R3HDM1: variants seen among roughly 807,000 people sequenced by gnomAD.
The protein encoded by R3HDM1 is R3H domain containing 1.
Under a neutral mutation model 141.1 loss-of-function variants are expected in R3HDM1, and 46 were observed. That is an observed-to-expected ratio of 0.33 (90% CI 0.26 to 0.42). The LOEUF (loss-of-function observed/expected upper bound fraction) is 0.42. Among genes scored for constraint, R3HDM1 ranks in the 10% least tolerant of loss-of-function variants. The pLI is 1.00. For synonymous variants in R3HDM1, 435 were observed against 472.9 expected (o/e 0.92, Z 1.04); for missense variants, 1,184 against 1,368.3 (o/e 0.87, Z 2.12).
intron 2 of R3HDM1, 25 bp from the exon 3 acceptor site, chr2:135,604,781 A>G: frequency 1.3e-6 from 2 of 1,540,148 alleles, no homozygotes; most frequent in East Asian, 2.3e-5. Flanking sequence ...AAAGTTTCAA[A>G]CTGTATTAAT....
chr2:135,631,894 T>C lies in R3HDM1; in HGVS notation c.591T>C (p.Ser197=). The change falls in exon 9 of 27, where the codon TCT becomes TCC. Residue 197 remains serine, a synonymous_variant. Coordinates refer to ENST00000683871, the MANE Select transcript of R3HDM1 (RefSeq NM_001378107.1). ...GTAAAAAATTCCCCCCAATGACATC[T>C]TACCATAGGATGCTATTACACAGAG... ...SPRKKFPPMT[S]YHRMLLHRVA... The C allele has an allele frequency of 6.2e-7, 1 of 1,611,996 alleles. No individual in the cohort carries two copies.
intron 21 of R3HDM1, among the ~76,000 whole-genome samples, chr2:135,694,288 G>A (rs1431880000): frequency 1.3e-5 from 2 of 152,192 alleles, no homozygotes; most frequent in Admixed American, 1.3e-4. Context: ...AGTTTACAAG[G>A]TAGAAGAGGT....
At chr2:135,709,999 A>G in intron 22 of R3HDM1, 60 bp from the exon 23 acceptor site, 1 of 1,510,756 alleles carries the variant, frequency 6.6e-7, no homozygotes, top group East Asian at 2.3e-5. Flanking sequence ...CCTAGTGTTC[A>G]GAAACACCAA....
At chr2:135,549,578 AAAAC>A (rs1699444588) in intron 1 of R3HDM1, among the ~76,000 whole-genome samples, 1 of 145,696 alleles carries the variant, frequency 6.9e-6, no homozygotes, top group African/African-American at 2.6e-5. Flanking sequence ...AAAAAAAAAA[AAAAC>A]AAAAACAAAA....
rs144395440 is a variant in R3HDM1, at chr2:135,630,026, C to A, written c.498-1692C>A. ...AGATAAAATTTGCAGTAGTAATTAA[C>A]TGTATTGGAGCATTTGAAAAAGGAT... On this transcript the variant is annotated intron_variant, in intron 7 of 26. Transcript: ENST00000683871. Among the ~76,000 whole-genome samples the A allele has an allele frequency of 1.0e-3, 158 of 150,638 alleles. 2 individuals carry two copies. The East Asian group carries it at 0.025, about 24-fold the overall frequency.
intron 18 of R3HDM1, among the ~76,000 whole-genome samples, chr2:135,654,850 TGTGTGTATATAAA>T (rs2065605938): frequency 6.7e-6 from 1 of 148,302 alleles, no homozygotes; most frequent in South Asian, 2.2e-4. Flanking sequence ...TTTTGGAGTA[TGTGTGTATATAAA>T]GTGTGTGTGT....
intron 1 of R3HDM1, among the ~76,000 whole-genome samples, chr2:135,601,845 A>G (rs1233454193): frequency 6.6e-6 from 1 of 152,036 alleles, no homozygotes; most frequent in Non-Finnish European, 1.5e-5. Context: ...TAATTTTTGT[A>G]GAGATGGGGT....
chr2:135,643,477 A>G (rs2064027414), intron 15 of R3HDM1, among the ~76,000 whole-genome samples: 1 of 151,960 alleles, frequency 6.6e-6, no homozygotes, highest in Non-Finnish European at 1.5e-5. Context: ...AGACAATTTA[A>G]GAAACTGTTT....
chr2:135,680,227 G>T lies in R3HDM1; in HGVS notation c.2362G>T (p.Val788Phe), dbSNP rs1486224018. 1 of 1,613,688 alleles carries T rather than the reference G, an allele frequency of 6.2e-7. No individual in the cohort carries two copies. Among genetic ancestry groups the T allele is most frequent in the East Asian group, 2.2e-5 (1 of 44,868 alleles). ...TCCCCATCAGACTTATCAACAGCCT[G>T]TTATGTTCCCTAATCAGTCTAATCA... ...GIPHQTYQQPVMFPNQSNQGS... is the reference protein window; with the variant it reads ...GIPHQTYQQPFMFPNQSNQGS... The change falls in exon 21 of 27, where the codon GTT becomes TTT. Residue 788 changes from valine to phenylalanine, a missense_variant. This residue lies in a region of R3HDM1 where 563 missense variants were observed against 562.0 expected (regional missense o/e 1.00). Coordinates refer to ENST00000683871, the MANE Select transcript of R3HDM1 (RefSeq NM_001378107.1).
chr2:135,633,702 T>G (rs1010308635), intron 9 of R3HDM1: 2 of 152,178 alleles, frequency 1.3e-5, no homozygotes, highest in African/African-American at 4.8e-5. Flanking sequence ...ATAGGGAGAT[T>G]ACCCGCTCCA....
chr2:135,604,760 CTGAA>C (rs1424758407), intron 2 of R3HDM1, 42 bp from the exon 3 acceptor site: 1 of 1,415,340 alleles, frequency 7.1e-7, no homozygotes, highest in East Asian at 2.3e-5. Context: ...CATGCAGTAA[CTGAA>C]TGTAAAAAAG....
chr2:135,699,065 AT>A (rs1410142268), intron 21 of R3HDM1, among the ~76,000 whole-genome samples: 3,027 of 75,878 alleles, frequency 0.04, 107 homozygotes, highest in South Asian at 0.081. Context: ...AGATAGATTG[AT>A]TAGATAGATT....
rs1429381809 is a variant in R3HDM1, at chr2:135,680,324, GGTGA to G, written c.2459+3_2459+6del. ...CCACCTGGTCAACAAAACAATTTAA[GGTGA>G]GTATGACTGAGTAACCTAATCTTCC... On this transcript the variant is annotated splice_donor_variant and splice_donor_region_variant and intron_variant, in intron 21 of 26. Transcript: ENST00000683871. LOFTEE classifies it high-confidence loss of function. 1.2e-6 allele frequency: 2 copies of G among 1,613,626 alleles called. No individual in the cohort carries two copies. Among genetic ancestry groups the G allele is most frequent in the Non-Finnish European group, 8.5e-7 (1 of 1,179,802 alleles).
rs1255100247 is a variant in R3HDM1, at chr2:135,667,164, A to G, written c.2152+5771A>G. ...AAATCAGCCTGTTAATGCCTGTTCA[A>G]TACTTTTGTGCTGAGCACTGCATTT... On this transcript the variant is annotated intron_variant, in intron 19 of 26. Transcript: ENST00000683871. The G allele has an allele frequency of 8.2e-6, 8 of 976,044 alleles. No homozygotes were observed. The South Asian group carries it at 1.4e-4, about 17-fold the overall frequency. 60.5% of individuals were successfully genotyped at this position (976,044 alleles called of 1,614,324 possible).
intron 1 of R3HDM1, among the ~76,000 whole-genome samples, chr2:135,557,185 C>T (rs993421915): frequency 8.5e-5 from 13 of 152,048 alleles, no homozygotes; most frequent in South Asian, 4.1e-4. Context: ...ACTTACTCTA[C>T]GGTGGTAATT....
intron 21 of R3HDM1, among the ~76,000 whole-genome samples, chr2:135,686,710 G>C (rs1039516158): frequency 6.6e-6 from 1 of 152,142 alleles, no homozygotes; most frequent in Non-Finnish European, 1.5e-5. Context: ...CTGTATTCCA[G>C]CTTAGGCGAC....
chr2:135,702,370 CA>C (rs1559474544), intron 21 of R3HDM1, among the ~76,000 whole-genome samples: 1 of 151,776 alleles, frequency 6.6e-6, no homozygotes, highest in Non-Finnish European at 1.5e-5. Context: ...CTAAAAAATA[CA>C]AAAAAATGGC....
At chr2:135,580,676 G>T (rs1338029071) in intron 1 of R3HDM1, among the ~76,000 whole-genome samples, 2 of 152,074 alleles carry the variant, frequency 1.3e-5, no homozygotes, top group African/African-American at 4.8e-5. Context: ...CACTCACAAG[G>T]CCTTGCCTGT....
chr2:135,544,410 C>A (rs538648264), intron 1 of R3HDM1, among the ~76,000 whole-genome samples: 21 of 152,292 alleles, frequency 1.4e-4, no homozygotes, highest in African/African-American at 4.8e-4. Flanking sequence ...GTAGTCTCAA[C>A]ATGAAAACTT....
Sources: allele counts gnomAD v4.1 joint callset (sites outside exome capture counted in the v4.1 genomes callset), GRCh38; gene constraint gnomAD v4.1.1; regional missense constraint gnomAD v4.1.1; transcripts MANE v1.5; gene names NCBI Gene and HGNC (gene_info 2026-07-23, HGNC 2026-07-21).